TSPAN5: variants seen among roughly 807,000 people sequenced by gnomAD.
TSPAN5 encodes the protein tetraspanin-5.
TSPAN5 carries 10 observed loss-of-function variants against 37.1 expected under a neutral mutation model. The ratio of observed to expected loss-of-function variants is 0.27; its 90% confidence interval spans 0.17 to 0.46. TSPAN5 has a LOEUF of 0.46. Ranked by LOEUF, TSPAN5 falls within the 20% of genes least tolerant of loss-of-function variation. The pLI, the probability that TSPAN5 is intolerant of heterozygous loss-of-function variation, is 1.00. For synonymous variants in TSPAN5, 110 were observed against 118.9 expected (o/e 0.93, Z 0.48); for missense variants, 195 against 326.6 (o/e 0.60, Z 3.11).
rs528109583 is a variant in TSPAN5, at chr4:98,479,790, G to A, written c.451-980C>T. 4.3e-4 allele frequency among the ~76,000 whole-genome samples: 65 copies of A among 152,300 alleles called. 1 individual carries two copies. Among genetic ancestry groups the A allele is most frequent in the East Asian group, 1.9e-3 (10 of 5,180 alleles). ...ACTAATATCTTGCTAATCATAGGTT[G>A]TGGAAAGACTGTGTTTCTGTTTTAA... On this transcript the variant is annotated intron_variant, in intron 4 of 7. Coordinates refer to ENST00000305798, the MANE Select transcript of TSPAN5 (RefSeq NM_005723.4).
intron 1 of TSPAN5, among the ~76,000 whole-genome samples, chr4:98,542,618 C>G (rs1276571042): frequency 6.6e-6 from 1 of 150,800 alleles, no homozygotes; most frequent in Non-Finnish European, 1.5e-5. Context: ...ACTCAGAAGA[C>G]TGAGGCAGGA....
chr4:98,488,016 A>G (rs575602097), intron 2 of TSPAN5, among the ~76,000 whole-genome samples: 1 of 152,354 alleles, frequency 6.6e-6, no homozygotes, highest in South Asian at 2.1e-4. Context: ...AGAGAATCAC[A>G]GTATAGTTTG....
intron 3 of TSPAN5, chr4:98,484,771 G>C: frequency 6.2e-6 from 2 of 323,786 alleles, no homozygotes; most frequent in Non-Finnish European, 1.2e-5. Context: ...AGACCAGCCT[G>C]GCCAACATGG....
chr4:98,533,054 G>T (rs939454966), intron 1 of TSPAN5, among the ~76,000 whole-genome samples: 2 of 152,142 alleles, frequency 1.3e-5, no homozygotes, highest in Admixed American at 6.5e-5. Flanking sequence ...TCATCGTGGT[G>T]GATAAGCTTT....
At chr4:98,632,902 G>A (rs1455005335) in intron 1 of TSPAN5, among the ~76,000 whole-genome samples, 1 of 152,184 alleles carries the variant, frequency 6.6e-6, no homozygotes, top group Non-Finnish European at 1.5e-5. Flanking sequence ...AGCAGCAGAA[G>A]CTGTGGAGGT....
intron 1 of TSPAN5, among the ~76,000 whole-genome samples, chr4:98,621,791 C>G (rs988719884): frequency 2.6e-5 from 4 of 151,096 alleles, no homozygotes; most frequent in Admixed American, 6.6e-5. Flanking sequence ...CATTCCCACC[C>G]CCCCCGCAGC....
At chr4:98,647,669 TTGTAGA>T (rs549820768) in intron 1 of TSPAN5, among the ~76,000 whole-genome samples, 139 of 152,304 alleles carry the variant, frequency 9.1e-4, no homozygotes, top group African/African-American at 3.2e-3. Flanking sequence ...GTTTTGCCAT[TTGTAGA>T]TGTTTTGCCA....
At chr4:98,513,555 AG>A (rs1753660910) in intron 1 of TSPAN5, among the ~76,000 whole-genome samples, 1 of 152,066 alleles carries the variant, frequency 6.6e-6, no homozygotes, top group South Asian at 2.1e-4. Flanking sequence ...TGGGGGTGGG[AG>A]GAAGGGGAAG....
At chr4:98,478,567 TACAA>T in intron 5 of TSPAN5, 114 bp downstream of exon 5, 1 of 1,254,146 alleles carries the variant, frequency 8.0e-7, no homozygotes, top group Non-Finnish European at 1.1e-6. Context: ...CTACAGGAGC[TACAA>T]ATACGAGTAA....
At chr4:98,585,600 G>A (rs1051629320) in intron 1 of TSPAN5, among the ~76,000 whole-genome samples, 20 of 152,328 alleles carry the variant, frequency 1.3e-4, no homozygotes, top group African/African-American at 4.6e-4. Context: ...GTGAGCCACT[G>A]CGCCCAGCCT....
At chr4:98,511,464 A>G (rs1306039323) in intron 1 of TSPAN5, among the ~76,000 whole-genome samples, 1 of 152,210 alleles carries the variant, frequency 6.6e-6, no homozygotes, top group South Asian at 2.1e-4. Context: ...CTGTAATACA[A>G]TGGTAAGTAT....
At chr4:98,638,438 G>A (rs1432974887) in intron 1 of TSPAN5, among the ~76,000 whole-genome samples, 2 of 152,160 alleles carry the variant, frequency 1.3e-5, no homozygotes, top group African/African-American at 2.4e-5. Flanking sequence ...GGGGAGGCCC[G>A]GGTGATTACC....
At chr4:98,477,824 A>T (rs1229630610) in intron 5 of TSPAN5, among the ~76,000 whole-genome samples, 2 of 151,646 alleles carry the variant, frequency 1.3e-5, no homozygotes, top group Admixed American at 6.6e-5. Context: ...ACACATGGCT[A>T]ATTTTTTAAT....
rs1752762561 is a variant in TSPAN5, at chr4:98,478,695, T to G, written c.566A>C (p.Lys189Thr). Residue 189 changes from lysine (K) to threonine (T), a missense_variant, in exon 5 of 8, where the codon AAA (lysine) becomes ACA (threonine). Coordinates refer to ENST00000305798, the MANE Select transcript of TSPAN5 (RefSeq NM_005723.4). ...CTGGCATTCACTTACTGCGGGATCTTTAGTGCAGCAGGAGAATGGAACGCC... is the reference window on the plus strand; with the variant it reads ...CTGGCATTCACTTACTGCGGGATCTGTAGTGCAGCAGGAGAATGGAACGCC... ...RCGVPFSCCT[K>T]DPAEDVINTQ... The G allele has an allele frequency of 1.1e-5, 18 of 1,614,064 alleles. No individual in the cohort carries two copies. Among genetic ancestry groups the G allele is most frequent in the Non-Finnish European group, 1.4e-5 (16 of 1,180,050 alleles).
chr4:98,532,603 G>C (rs1754121701), intron 1 of TSPAN5, among the ~76,000 whole-genome samples: 1 of 105,562 alleles, frequency 9.5e-6, no homozygotes, highest in East Asian at 3.0e-4. Flanking sequence ...GAGACGATGG[G>C]GTTTTCTAAA....
intron 1 of TSPAN5, among the ~76,000 whole-genome samples, chr4:98,552,395 T>C (rs1434936019): frequency 6.6e-6 from 1 of 152,246 alleles, no homozygotes; most frequent in Non-Finnish European, 1.5e-5. Context: ...TGCTGTATTT[T>C]CATTTTCATT....
At chr4:98,617,674 G>C (rs1223883178) in intron 1 of TSPAN5, among the ~76,000 whole-genome samples, 1 of 152,168 alleles carries the variant, frequency 6.6e-6, no homozygotes, top group Non-Finnish European at 1.5e-5. Context: ...CTCCAAAGTG[G>C]TTATGGCCTT....
rs148503536 is a variant in TSPAN5, at chr4:98,531,097, T to C, written c.82-23369A>G. Among the ~76,000 whole-genome samples the C allele has an allele frequency of 2.0e-4, 30 of 152,290 alleles. No homozygotes were observed. The East Asian group carries it at 5.8e-3, about 29-fold the overall frequency. The stretch of plus-strand genomic sequence containing the variant: ...ATTCTTTTTTAAATTATACTTTAAG[T>C]TCCGGAGTACATGTGCAGAACTTGC... On this transcript the variant is annotated intron_variant, in intron 1 of 7. Transcript: ENST00000305798.
At chr4:98,491,495 C>T (rs1197239606) in intron 2 of TSPAN5, among the ~76,000 whole-genome samples, 1 of 152,146 alleles carries the variant, frequency 6.6e-6, no homozygotes, top group Non-Finnish European at 1.5e-5. Flanking sequence ...CGAGACCATC[C>T]TGGCCAACAC....
Sources: gnomAD v4.1 joint callset for allele counts (sites outside exome capture counted in the v4.1 genomes callset) on GRCh38, gnomAD v4.1.1 for gene constraint, MANE v1.5 for transcripts, NCBI Gene and HGNC (gene_info 2026-07-23, HGNC 2026-07-21) for gene names.